The following MANBA variants were observed in gnomAD, a reference collection of about 807,000 sequenced individuals.
The protein encoded by MANBA is beta-mannosidase.
In MANBA, 83 loss-of-function variants were observed where a neutral mutation model predicts 111.1. The observed-to-expected ratio is 0.75, with a 90% CI of 0.63 to 0.90. The LOEUF (loss-of-function observed/expected upper bound fraction) is 0.90. Among genes scored for constraint, MANBA ranks in the 40% least tolerant of loss-of-function variants. MANBA has a pLI of 0.00. For synonymous variants in MANBA, 370 were observed against 378.7 expected, an observed-to-expected ratio of 0.98 and a Z score of 0.27; for missense variants, 1,036 against 1,069.0, an observed-to-expected ratio of 0.97 and a Z score of 0.43.
At chr4:102,752,913 C>T (rs1393958445) in intron 1 of MANBA, among the ~76,000 whole-genome samples, 1 of 152,238 alleles carries the variant, frequency 6.6e-6, no homozygotes, top group Non-Finnish European at 1.5e-5. Flanking sequence ...AATTAACTTA[C>T]ACATCTAAAA....
At position 102,745,081 on chromosome 4, in the gene MANBA, T is replaced by G. The variant is rs540163065; in HGVS notation, c.177+15637A>C. On this transcript the variant is annotated intron_variant, in intron 1 of 16. Transcript: ENST00000647097. ...CAGACCTGAGCTAAAACTCCATTAATTACCTGATCTCCATAAGCCTCTACT... is the reference window on the plus strand; with the variant it reads ...CAGACCTGAGCTAAAACTCCATTAAGTACCTGATCTCCATAAGCCTCTACT... 1.1e-4 allele frequency among the ~76,000 whole-genome samples: 16 copies of G among 152,240 alleles called. No homozygotes were observed. In the South Asian group the frequency reaches 2.7e-3, roughly 26 times the overall value.
intron 12 of MANBA, among the ~76,000 whole-genome samples, chr4:102,654,522 G>A (rs904658948): frequency 1.2e-4 from 18 of 152,128 alleles, no homozygotes; most frequent in Admixed American, 1.2e-3. Flanking sequence ...AATTGAAAAA[G>A]ATTTTGAAAT....
intron 1 of MANBA, among the ~76,000 whole-genome samples, chr4:102,743,870 G>A (rs1723499220): frequency 6.6e-6 from 1 of 152,246 alleles, no homozygotes; most frequent in African/African-American, 2.4e-5. Context: ...GAAGATGGCA[G>A]GGCTTTGCTC....
In MANBA at chr4:102,710,335, C is replaced by T. The variant is rs531399378; in HGVS notation, c.673+4103G>A. On this transcript the variant is annotated intron_variant, in intron 5 of 16. Transcript: ENST00000647097. ...ATTTGTAGGACACAAAGTCAACATACAAAAATTAGTAGTGTTTCTACACAT... is the reference window on the plus strand; with the variant it reads ...ATTTGTAGGACACAAAGTCAACATATAAAAATTAGTAGTGTTTCTACACAT... Among the ~76,000 whole-genome samples the T allele has an allele frequency of 1.4e-4, 21 of 151,970 alleles. No homozygotes were observed. The South Asian group carries it at 4.4e-3, about 32-fold the overall frequency.
rs146801719 is a variant in MANBA, at chr4:102,703,994, C to T, written c.673+10444G>A. Among the ~76,000 whole-genome samples the T allele has an allele frequency of 3.8e-3, 575 of 152,054 alleles. 11 individuals are homozygous for T. The highest frequency in any genetic ancestry group is 0.013 in the African/African-American group (542 of 41,456). Reference sequence around the variant, plus strand: ...CCTGTAGTACCAGCTACTCGGGAGGCTAAGGCAGGAGAATCACTTGAACCT... The same window carrying T: ...CCTGTAGTACCAGCTACTCGGGAGGTTAAGGCAGGAGAATCACTTGAACCT... On this transcript the variant is annotated intron_variant, in intron 5 of 16. Transcript: ENST00000647097.
At chr4:102,723,124 G>T in intron 3 of MANBA, 83 bp from the exon 4 acceptor site, 1 of 1,212,022 alleles carries the variant, frequency 8.3e-7, no homozygotes, top group Non-Finnish European at 1.2e-6. Flanking sequence ...CATTTTGTAT[G>T]AAAGACACAT....
chr4:102,757,958 G>A (rs1192286726), intron 1 of MANBA, among the ~76,000 whole-genome samples: 1 of 152,176 alleles, frequency 6.6e-6, no homozygotes, highest in African/African-American at 2.4e-5. Flanking sequence ...TGTCAAGCTC[G>A]TGCCTGCCTC....
rs148348931 is a variant in MANBA at position 102,724,969 on chromosome 4, C to A, written c.273-1002G>T. 3.9e-5 allele frequency among the ~76,000 whole-genome samples: 6 copies of A among 152,224 alleles called. No individual in the cohort carries two copies. In the East Asian group the frequency reaches 9.6e-4, roughly 24 times the overall value. On this transcript the variant is annotated intron_variant, in intron 2 of 16. Transcript: ENST00000647097. ...ACATTATTATGCTAAGTGAAAGAGG[C>A]GGTCACAAAGGCCCACATATTGTAT... is the stretch of plus-strand genomic sequence containing the variant.
intron 14 of MANBA, among the ~76,000 whole-genome samples, chr4:102,639,369 A>G (rs1448793175): frequency 2.6e-5 from 4 of 152,210 alleles, no homozygotes. Flanking sequence ...GCTTAAGTTC[A>G]TGCTTCTTTA....
At chr4:102,743,112 C>T (rs960808323) in intron 1 of MANBA, among the ~76,000 whole-genome samples, 1 of 152,226 alleles carries the variant, frequency 6.6e-6, no homozygotes, top group East Asian at 1.9e-4. Flanking sequence ...TTAAAATCCT[C>T]CTCTGCCAAG....
At chr4:102,688,295 G>GCA (rs112932815) in intron 7 of MANBA, among the ~76,000 whole-genome samples, 1,746 of 146,406 alleles carry the variant, frequency 0.012, 30 homozygotes, top group African/African-American at 0.037. Context: ...GCGTGCGCGC[G>GCA]CACACACACA....
chr4:102,740,121 A>C (rs1447069515), intron 1 of MANBA, among the ~76,000 whole-genome samples: 1 of 152,242 alleles, frequency 6.6e-6, no homozygotes, highest in Non-Finnish European at 1.5e-5. Flanking sequence ...AACGTACACA[A>C]ATCAGTAGCA....
At chr4:102,676,898 C>T (rs1053627046) in intron 7 of MANBA, among the ~76,000 whole-genome samples, 2 of 150,094 alleles carry the variant, frequency 1.3e-5, no homozygotes, top group Non-Finnish European at 3.0e-5. Flanking sequence ...CATCTTTCAC[C>T]TTCATGCATT....
intron 1 of MANBA, among the ~76,000 whole-genome samples, chr4:102,758,774 C>T (rs560910082): frequency 1.3e-5 from 2 of 152,170 alleles, no homozygotes; most frequent in East Asian, 3.9e-4. Flanking sequence ...CTCCACCTAC[C>T]TCTGCCTCCC....
At chr4:102,635,716 CAT>C in intron 15 of MANBA, 147 bp downstream of exon 15, 1 of 765,800 alleles carries the variant, frequency 1.3e-6, no homozygotes, top group Non-Finnish European at 2.1e-6. Context: ...CTTATGGTCA[CAT>C]GATTAATGGC....
chr4:102,729,843 C>T, intron 1 of MANBA: 1 of 1,375,150 alleles, frequency 7.3e-7, no homozygotes. Flanking sequence ...CTCCAGGAAC[C>T]ATACCTTGTC....
At chr4:102,714,314 T>C (rs1722228767) in intron 5 of MANBA, 124 bp downstream of exon 5, 3 of 964,578 alleles carry the variant, frequency 3.1e-6, no homozygotes, top group South Asian at 2.9e-5. Flanking sequence ...TATAAATTGA[T>C]TGTACCACAA....
rs1007859913 is a variant in MANBA, at chr4:102,723,005, A to G, written c.415T>C (p.Ser139Pro). 7.4e-6 allele frequency: 12 copies of G among 1,614,046 alleles called. No individual in the cohort carries two copies. Among genetic ancestry groups the G allele is most frequent in the Non-Finnish European group, 1.0e-5 (12 of 1,180,006 alleles). The change falls in exon 4 of 17, where the codon TCC becomes CCC. Residue 139 changes from serine to proline, a missense_variant. Transcript: ENST00000647097. ...GCTGACTGGAAACGCAGCTCAATGG[A>G]GTTCACGTCCCTGACCACGTTGGTA... ...DITNVVRDVNSIELRFQSAVL... is the reference protein window; with the variant it reads ...DITNVVRDVNPIELRFQSAVL...
At chr4:102,698,605 G>A (rs1295478931) in intron 5 of MANBA, among the ~76,000 whole-genome samples, 1,719 of 147,178 alleles carry the variant, frequency 0.012, 17 homozygotes, top group African/African-American at 0.034. Context: ...ACCATTTATT[G>A]AATAGGGAAT....
Sources: gnomAD v4.1 joint callset for allele counts (sites outside exome capture counted in the v4.1 genomes callset) on GRCh38, gnomAD v4.1.1 for gene constraint, MANE v1.5 for transcripts, NCBI Gene and HGNC (gene_info 2026-07-23, HGNC 2026-07-21) for gene names.